The following DAPK1 variants were observed in gnomAD, a reference collection of about 807,000 sequenced individuals.
DAPK1 encodes death associated protein kinase 1.
In DAPK1, 56 loss-of-function variants were observed where a neutral mutation model predicts 144.9. That is an observed-to-expected ratio of 0.39 (90% confidence interval 0.31 to 0.48). DAPK1 has a LOEUF of 0.48. Ranked by LOEUF, DAPK1 falls within the 20% of genes least tolerant of loss-of-function variation. The pLI is 0.95. For synonymous variants in DAPK1, 690 were observed against 749.0 expected (o/e 0.92, Z 1.29); for missense variants, 1,454 against 1,875.4 (o/e 0.78, Z 4.15).
At chr9:87,647,530 A>T (rs752685783) in intron 14 of DAPK1, 127 bp downstream of exon 14, 18 of 763,438 alleles carry the variant, frequency 2.4e-5, no homozygotes, top group Non-Finnish European at 4.1e-5. Flanking sequence ...CACCTGCAGA[A>T]CATTTAAGTT....
At chr9:87,656,903 G>C (rs920787231) in intron 17 of DAPK1, among the ~76,000 whole-genome samples, 1 of 152,236 alleles carries the variant, frequency 6.6e-6, no homozygotes, top group Admixed American at 6.5e-5. Context: ...AACAGGGACA[G>C]CTCTGAGCTA....
At chr9:87,636,397 A>T in intron 3 of DAPK1, among the ~76,000 whole-genome samples, 1 of 152,236 alleles carries the variant, frequency 6.6e-6, no homozygotes, top group East Asian at 1.9e-4. Flanking sequence ...GCCCTGCAGC[A>T]GGAGCGTGGA....
chr9:87,663,587 C>T (rs1325160205), intron 18 of DAPK1, among the ~76,000 whole-genome samples: 3 of 152,236 alleles, frequency 2.0e-5, no homozygotes, highest in African/African-American at 2.4e-5. Context: ...AGAAAGTCCC[C>T]GCGTCCTGCT....
Position 87,628,580 on chromosome 9 carries a change from G to T in DAPK1, c.285-9363G>T, listed in dbSNP as rs190461728. On this transcript the variant is annotated intron_variant, in intron 3 of 25. Transcript: ENST00000408954. ...GGTGAGCGTGTGAACACCCTTCAAGGCTTCCCCTAAATTAACAGGAAAGAA... is the reference window on the plus strand; with the variant it reads ...GGTGAGCGTGTGAACACCCTTCAAGTCTTCCCCTAAATTAACAGGAAAGAA... 7.7e-4 allele frequency among the ~76,000 whole-genome samples: 117 copies of T among 152,264 alleles called. 1 individual carries two copies. In the Middle Eastern group the frequency reaches 0.01, roughly 13 times the overall value.
At chr9:87,684,180 T>C (rs1234509550) in intron 20 of DAPK1, among the ~76,000 whole-genome samples, 1 of 152,234 alleles carries the variant, frequency 6.6e-6, no homozygotes, top group African/African-American at 2.4e-5. Context: ...GATTGGACTT[T>C]GGCAGAGGGT....
At chr9:87,672,256 G>A (rs1824197383) in intron 19 of DAPK1, among the ~76,000 whole-genome samples, 1 of 152,146 alleles carries the variant, frequency 6.6e-6, no homozygotes, top group Non-Finnish European at 1.5e-5. Flanking sequence ...AGCCACCATT[G>A]AGCGCTCAGT....
chr9:87,677,160 TC>T (rs1260312729), intron 19 of DAPK1, among the ~76,000 whole-genome samples: 2 of 152,306 alleles, frequency 1.3e-5, no homozygotes, highest in East Asian at 3.9e-4. Context: ...TGCTGCCTCC[TC>T]CCTCCTTCTC....
At chr9:87,512,682 C>T (rs547490318) in intron 2 of DAPK1, among the ~76,000 whole-genome samples, 22 of 151,898 alleles carry the variant, frequency 1.4e-4, no homozygotes, top group Admixed American at 3.3e-4. Flanking sequence ...CTTGCCCTGT[C>T]GCCCAGGCTG....
Position 87,565,462 on chromosome 9 carries a change from A to T in DAPK1, c.63-39492A>T, listed in dbSNP as rs530862475. The stretch of plus-strand genomic sequence containing the variant: ...TTTTATGGTTGGGGAAAGTAAAGCC[A>T]GGAGAGGTGAAGTGCCTCACTACAG... On this transcript the variant is annotated intron_variant, in intron 2 of 25. Transcript: ENST00000408954. 1.7e-4 allele frequency among the ~76,000 whole-genome samples: 26 copies of T among 152,306 alleles called. No homozygotes were observed. In the East Asian group the frequency reaches 3.1e-3, roughly 18 times the overall value.
rs1049217426 is a variant in DAPK1 at position 87,708,538 on chromosome 9, A to G, written c.*1174A>G. On this transcript the variant is annotated 3_prime_UTR_variant, in exon 26 of 26. Transcript: ENST00000408954. ...ATATATGCACTATGTATATACATAT[A>G]TATTAATACTGGTATTTTTACTTAA... The G allele has an allele frequency of 5.9e-5, 9 of 152,610 alleles. No homozygotes were observed. The highest frequency in any genetic ancestry group is 1.9e-4 in the African/African-American group (8 of 41,454). The allele number at this position is 152,610 out of a possible 1,614,324, so 9.5% of individuals were successfully genotyped here. A position where few individuals can be genotyped will look rare whatever the true frequency, so the allele number is the denominator to read the frequency against.
intron 2 of DAPK1, among the ~76,000 whole-genome samples, chr9:87,505,951 G>C (rs1302246295): frequency 6.6e-6 from 1 of 152,218 alleles, no homozygotes; most frequent in Non-Finnish European, 1.5e-5. Context: ...GCCTCCCAAA[G>C]TGCTGGGATT....
At chr9:87,509,140 T>C (rs1824731906) in intron 2 of DAPK1, among the ~76,000 whole-genome samples, 1 of 152,198 alleles carries the variant, frequency 6.6e-6, no homozygotes, top group Non-Finnish European at 1.5e-5. Flanking sequence ...TTTGGCTTTA[T>C]AAAAACAAAG....
rs146320647 is a variant in DAPK1, at chr9:87,632,106, A to C, written c.285-5837A>C. 103 of 650,466 alleles carry C rather than the reference A, an allele frequency of 1.6e-4. 3 individuals are homozygous for C. The East Asian group carries it at 0.013, about 83-fold the overall frequency. 40.3% of individuals were successfully genotyped at this position (650,466 alleles called of 1,614,324 possible). On this transcript the variant is annotated intron_variant, in intron 3 of 25. Coordinates refer to ENST00000408954, the MANE Select transcript of DAPK1 (RefSeq NM_004938.4). ...TATATATGTAGAAATATATATATAT[A>C]TATGTATGTGTGTGTGTATATATAT...
At chr9:87,565,271 A>G (rs1827079883) in intron 2 of DAPK1, among the ~76,000 whole-genome samples, 2 of 152,112 alleles carry the variant, frequency 1.3e-5, no homozygotes, top group Non-Finnish European at 2.9e-5. Context: ...GTGAGACAGA[A>G]CTCAGGGAGA....
intron 17 of DAPK1, among the ~76,000 whole-genome samples, chr9:87,652,607 A>G (rs71489449): frequency 7.4e-4 from 72 of 96,700 alleles, no homozygotes; most frequent in African/African-American, 1.6e-3. Context: ...ACCTGATCCC[A>G]GGTCCTGATT....
chr9:87,614,323 T>G (rs1031957614), intron 3 of DAPK1, among the ~76,000 whole-genome samples: 1 of 152,198 alleles, frequency 6.6e-6, no homozygotes, highest in Admixed American at 6.5e-5. Context: ...AACTTTAGTA[T>G]CTGCCATGAT....
At chr9:87,668,571 G>T in intron 18 of DAPK1, 26 bp from the exon 19 acceptor site, 1 of 1,087,802 alleles carries the variant, frequency 9.2e-7, no homozygotes, top group Non-Finnish European at 1.4e-6. Flanking sequence ...TCAGAGAAAA[G>T]AAACTAATGC....
At chr9:87,650,736 C>G (rs966862884) in intron 16 of DAPK1, among the ~76,000 whole-genome samples, 7 of 152,110 alleles carry the variant, frequency 4.6e-5, no homozygotes, top group Non-Finnish European at 8.8e-5. Flanking sequence ...CGACTTTGCC[C>G]CCAGGGGTGT....
Position 87,657,945 on chromosome 9 carries a change from C to T in DAPK1, c.1825-84C>T, listed in dbSNP as rs544433709. ...CCTCCTTTCTGGTGGGCCCTGACCC[C>T]TTCCTTAACCTTGTGTCTCCGGAAT... On this transcript the variant is annotated intron_variant, in intron 17 of 25. Coordinates refer to ENST00000408954, the MANE Select transcript of DAPK1 (RefSeq NM_004938.4). 5 of 720,116 alleles carry T rather than the reference C, an allele frequency of 6.9e-6. No individual in the cohort carries two copies. The Admixed American group carries it at 8.0e-5, about 12-fold the overall frequency. The allele number at this position is 720,116 out of a possible 1,614,324, so 44.6% of individuals were successfully genotyped here.
Sources: gnomAD v4.1 joint callset for allele counts (sites outside exome capture counted in the v4.1 genomes callset) on GRCh38, gnomAD v4.1.1 for gene constraint, MANE v1.5 for transcripts, NCBI Gene and HGNC (gene_info 2026-07-23, HGNC 2026-07-21) for gene names.